Variants in EYA2 observed in about 807,000 individuals in gnomAD.
EYA2 encodes protein phosphatase EYA2.
EYA2 carries 31 observed loss-of-function variants against 69.2 expected under a neutral mutation model. The ratio of observed to expected loss-of-function variants is 0.45; its 90% CI spans 0.34 to 0.60. EYA2 has a LOEUF of 0.60. Ranked by LOEUF, EYA2 falls within the 20% of genes least tolerant of loss-of-function variation. The pLI is 0.02. For missense variants in EYA2, 622 were observed against 701.2 expected (o/e 0.89, Z 1.28); for synonymous variants, 257 against 279.4 (o/e 0.92, Z 0.80).
At chr20:46,955,138 A>ATTT (rs34188905) in intron 1 of EYA2, among the ~76,000 whole-genome samples, 2 of 139,512 alleles carry the variant, frequency 1.4e-5, no homozygotes, top group Admixed American at 7.2e-5. Flanking sequence ...TCATGCAGTC[A>ATTT]TTTTTTTTTT....
At chr20:47,119,772 T>G (rs548537066) in intron 9 of EYA2, among the ~76,000 whole-genome samples, 1 of 152,344 alleles carries the variant, frequency 6.6e-6, no homozygotes, top group East Asian at 1.9e-4. Flanking sequence ...TAGATTCCAC[T>G]GAAGTGTTCA....
chr20:47,086,487 G>GT (rs2031896655), intron 7 of EYA2, among the ~76,000 whole-genome samples: 1 of 152,152 alleles, frequency 6.6e-6, no homozygotes, highest in Non-Finnish European at 1.5e-5. Context: ...ATGGCGGAAG[G>GT]TAAAAGGGAA....
Position 46,908,870 on chromosome 20 carries a change from C to CTTTTTTTTTTTTTTT in EYA2, c.-11+13906_-11+13920dup, listed in dbSNP as rs56834738. 3.8e-4 allele frequency among the ~76,000 whole-genome samples: 18 copies of CTTTTTTTTTTTTTTT among 47,580 alleles called. 3 individuals carry two copies. Among genetic ancestry groups the CTTTTTTTTTTTTTTT allele is most frequent in the African/African-American group, 1.6e-3 (18 of 11,476 alleles). The allele number at this position is 47,580 out of a possible 152,430, so 31.2% of individuals were successfully genotyped here. On this transcript the variant is annotated intron_variant, in intron 1 of 15. Transcript: ENST00000327619. ...AAAGGCACTAAGCCTCTCTCCCGCA[C>CTTTTTTTTTTTTTTT]TTTTTTTTTTTTTTTTTTTTTTTTT...
intron 5 of EYA2, among the ~76,000 whole-genome samples, chr20:47,045,614 A>G (rs1250870443): frequency 6.6e-6 from 1 of 152,198 alleles, no homozygotes; most frequent in African/African-American, 2.4e-5. Context: ...TACCTTGAAG[A>G]CGTTCTGCCT....
At position 46,940,987 on chromosome 20, in the gene EYA2, G is replaced by A. The variant is rs192153882; in HGVS notation, c.-11+46000G>A. 8.1e-4 allele frequency among the ~76,000 whole-genome samples: 123 copies of A among 152,358 alleles called. 1 individual carries two copies. The highest frequency in any genetic ancestry group is 8.0e-3 in the Admixed American group (122 of 15,308). On this transcript the variant is annotated intron_variant, in intron 1 of 15. Transcript: ENST00000327619. ...GCACCATTTCTGACTTTTTCCTTTG[G>A]TATAAATGGGGAGGCAACTATGAAA...
At chr20:47,028,214 A>G (rs1416976467) in intron 5 of EYA2, among the ~76,000 whole-genome samples, 1 of 152,214 alleles carries the variant, frequency 6.6e-6, no homozygotes, top group Admixed American at 6.5e-5. Flanking sequence ...CAGGAATCCA[A>G]CCAGCTGGCA....
intron 9 of EYA2, among the ~76,000 whole-genome samples, chr20:47,125,538 G>T (rs560679288): frequency 3.3e-5 from 5 of 152,090 alleles, no homozygotes; most frequent in Admixed American, 2.0e-4. Flanking sequence ...TAAACAAGCT[G>T]ATCTGCCTTC....
intron 9 of EYA2, among the ~76,000 whole-genome samples, chr20:47,118,696 C>A (rs2032968770): frequency 6.6e-6 from 1 of 152,184 alleles, no homozygotes; most frequent in South Asian, 2.1e-4. Context: ...CAGAGACTTT[C>A]TTTGAAGCCC....
At position 46,978,890 on chromosome 20, in the gene EYA2, G is replaced by C. The variant is rs78227548; in HGVS notation, c.-10-11111G>C. On this transcript the variant is annotated intron_variant, in intron 1 of 15. Coordinates refer to ENST00000327619, the MANE Select transcript of EYA2 (RefSeq NM_005244.5). The stretch of plus-strand genomic sequence containing the variant: ...GCTTTTGGTTTGAGCAACTGCCCCC[G>C]AAATGGGGGAAGCCAAGATGGTTTG... Among the ~76,000 whole-genome samples the C allele has an allele frequency of 7.4e-4, 112 of 152,334 alleles. 1 individual carries two copies. Among genetic ancestry groups the C allele is most frequent in the African/African-American group, 2.5e-3 (106 of 41,584 alleles).
At position 46,897,483 on chromosome 20, in the gene EYA2, G is replaced by A. The variant is rs537550992; in HGVS notation, c.-11+2496G>A. On this transcript the variant is annotated intron_variant, in intron 1 of 15. Coordinates refer to ENST00000327619, the MANE Select transcript of EYA2 (RefSeq NM_005244.5). ...TTTCCAAAGACAACTTGCATCGGGC[G>A]CAAGAGAGCAGAGTTATGCAGAAAT... 9.2e-5 allele frequency among the ~76,000 whole-genome samples: 14 copies of A among 152,312 alleles called. No individual in the cohort carries two copies. In the South Asian group the frequency reaches 2.5e-3, roughly 27 times the overall value.
intron 1 of EYA2, among the ~76,000 whole-genome samples, chr20:46,967,184 T>C (rs768978692): frequency 3.3e-5 from 5 of 152,214 alleles, no homozygotes; most frequent in Non-Finnish European, 7.3e-5. Flanking sequence ...TTGTTTTTAG[T>C]TGAGATGGGG....
chr20:47,041,740 C>T (rs957420806), intron 5 of EYA2, among the ~76,000 whole-genome samples: 1 of 152,164 alleles, frequency 6.6e-6, no homozygotes, highest in Middle Eastern at 3.2e-3. Context: ...AGGATAGGTG[C>T]TCAGATTGTT....
At chr20:46,966,534 C>A (rs1230764200) in intron 1 of EYA2, among the ~76,000 whole-genome samples, 1 of 152,102 alleles carries the variant, frequency 6.6e-6, no homozygotes, top group East Asian at 1.9e-4. Flanking sequence ...GCAGGCCTGG[C>A]GCGGTGGCTC....
intron 1 of EYA2, among the ~76,000 whole-genome samples, chr20:46,902,263 A>T (rs1984150180): frequency 7.0e-6 from 1 of 142,044 alleles, no homozygotes; most frequent in African/African-American, 2.5e-5. Flanking sequence ...AGTTTTGGGG[A>T]TTTTCTTTTG....
chr20:47,137,044 T>A (rs1225774287), intron 9 of EYA2, among the ~76,000 whole-genome samples: 1 of 147,524 alleles, frequency 6.8e-6, no homozygotes, highest in Non-Finnish European at 1.5e-5. Flanking sequence ...CCCCCACCCC[T>A]TAGCCCCCAG....
chr20:46,911,155 A>G, intron 1 of EYA2, among the ~76,000 whole-genome samples: 1 of 152,224 alleles, frequency 6.6e-6, no homozygotes. Context: ...GTATTTACAA[A>G]AAAGAGAAAG....
chr20:47,038,043 G>A (rs1158240798), intron 5 of EYA2, among the ~76,000 whole-genome samples: 2 of 152,144 alleles, frequency 1.3e-5, no homozygotes, highest in Non-Finnish European at 2.9e-5. Context: ...CCCTTGCAGG[G>A]TTTACATTCT....
At chr20:47,135,307 T>C (rs1442123770) in intron 9 of EYA2, among the ~76,000 whole-genome samples, 1 of 152,088 alleles carries the variant, frequency 6.6e-6, no homozygotes, top group African/African-American at 2.4e-5. Context: ...TCCTATCAGG[T>C]ATATAAGCCC....
chr20:46,938,732 A>C (rs1022135020), intron 1 of EYA2, among the ~76,000 whole-genome samples: 1 of 152,312 alleles, frequency 6.6e-6, no homozygotes, highest in Non-Finnish European at 1.5e-5. Context: ...TCAGAGTGAC[A>C]TACCATCACT....
Sources: allele counts gnomAD v4.1 joint callset (sites outside exome capture counted in the v4.1 genomes callset), GRCh38; gene constraint gnomAD v4.1.1; transcripts MANE v1.5; gene names NCBI Gene and HGNC (gene_info 2026-07-23, HGNC 2026-07-21).